Variants in FBXO8 observed in about 807,000 individuals in gnomAD.
FBXO8 encodes the protein F-box only protein 8.
In FBXO8, 15 loss-of-function variants were observed where a neutral mutation model predicts 33.4. The ratio of observed to expected loss-of-function variants is 0.45; its 90% CI spans 0.30 to 0.69. FBXO8 has a LOEUF of 0.69. FBXO8 is among the 30% of genes least tolerant of loss of function. FBXO8 has a pLI of 0.08. For synonymous variants in FBXO8, 132 were observed against 131.5 expected (o/e 1.00, Z -0.02); for missense variants, 274 against 380.3 (o/e 0.72, Z 2.32).
At chr4:174,268,728 G>A (rs1030531662) in intron 1 of FBXO8, among the ~76,000 whole-genome samples, 2 of 152,176 alleles carry the variant, frequency 1.3e-5, no homozygotes, top group Non-Finnish European at 2.9e-5. Context: ...GAGCCACCGC[G>A]CCCGGCCGGG....
chr4:174,270,032 A>G lies in FBXO8; in HGVS notation c.-8-6932T>C, dbSNP rs913769663. 3.9e-5 allele frequency among the ~76,000 whole-genome samples: 6 copies of G among 152,220 alleles called. No individual in the cohort carries two copies. Among genetic ancestry groups the G allele is most frequent in the Non-Finnish European group, 8.8e-5 (6 of 68,042 alleles). On this transcript the variant is annotated intron_variant, in intron 1 of 5. Coordinates refer to ENST00000393674, the MANE Select transcript of FBXO8 (RefSeq NM_012180.3). The surrounding 1 kb of genome is among the most constrained non-coding windows in gnomAD (Gnocchi z 4.6). ...TTCTGTACTACCTGCAAATACACTC[A>G]GGGAGCATGGTAGTAAACAGGAAAC...
chr4:174,250,869 G>A (rs975930309), intron 3 of FBXO8, among the ~76,000 whole-genome samples: 2 of 152,074 alleles, frequency 1.3e-5, no homozygotes. Flanking sequence ...AGACACCTTG[G>A]ACATTAAAGC....
At chr4:174,280,216 T>C (rs1737047524) in intron 1 of FBXO8, among the ~76,000 whole-genome samples, 1 of 151,718 alleles carries the variant, frequency 6.6e-6, no homozygotes, top group Admixed American at 6.6e-5. Context: ...TACACTAACG[T>C]CCAATAAGCA....
At position 174,251,722 on chromosome 4, in the gene FBXO8, G is replaced by A. The variant is rs1286859898; in HGVS notation, c.456+7977C>T. Among the ~76,000 whole-genome samples, 2 of 152,108 alleles carry A rather than the reference G, an allele frequency of 1.3e-5. No homozygotes were observed. Among genetic ancestry groups the A allele is most frequent in the African/African-American group, 4.8e-5 (2 of 41,424 alleles). On this transcript the variant is annotated intron_variant, in intron 3 of 5. Transcript: ENST00000393674. The surrounding 1 kb of genome is among the most constrained non-coding windows in gnomAD (Gnocchi z 4.2). ...TCGCTTGAAGGTATTAAGTTGTCTA[G>A]GCAGAGGAAGAGGCTATTTAGTGTC...
intron 1 of FBXO8, among the ~76,000 whole-genome samples, chr4:174,276,026 G>A (rs1264770484): frequency 2.0e-5 from 3 of 151,942 alleles, no homozygotes; most frequent in Admixed American, 6.6e-5. Flanking sequence ...TAAAAACAAA[G>A]TAATAAGCTA....
rs1736848112 is a variant in FBXO8, at chr4:174,272,006, T to C, written c.-8-8906A>G. On this transcript the variant is annotated intron_variant, in intron 1 of 5. Coordinates refer to ENST00000393674, the MANE Select transcript of FBXO8 (RefSeq NM_012180.3). This position sits in a 1 kb window ranked among gnomAD's most constrained non-coding sequence, Gnocchi z 4.7. ...CTTTCCAGTTTACTTGGGACCCCCTTAGGGGCTACAAAGAAACTCCTAAGG... is the reference window on the plus strand; with the variant it reads ...CTTTCCAGTTTACTTGGGACCCCCTCAGGGGCTACAAAGAAACTCCTAAGG... 6.6e-6 allele frequency among the ~76,000 whole-genome samples: 1 copy of C among 152,216 alleles called. No homozygotes were observed. The highest frequency in any genetic ancestry group is 1.5e-5 in the Non-Finnish European group (1 of 68,032).
At position 174,247,826 on chromosome 4, in the gene FBXO8, A is replaced by G. The variant is rs1736194740; in HGVS notation, c.457-6608T>C. 6.6e-6 allele frequency among the ~76,000 whole-genome samples: 1 copy of G among 152,072 alleles called. No homozygotes were observed. The highest frequency in any genetic ancestry group is 1.5e-5 in the Non-Finnish European group (1 of 67,966). On this transcript the variant is annotated intron_variant, in intron 3 of 5. Coordinates refer to ENST00000393674, the MANE Select transcript of FBXO8 (RefSeq NM_012180.3). This position sits in a 1 kb window ranked among gnomAD's most constrained non-coding sequence, Gnocchi z 4.6. Reference sequence around the variant, plus strand: ...GCAAATAGCAGCAGCAATGGTTAAGATGACTGCTCTGATACTATTTCTTCT... The same window carrying G: ...GCAAATAGCAGCAGCAATGGTTAAGGTGACTGCTCTGATACTATTTCTTCT...
At chr4:174,238,349 GA>G (rs1448577360) in intron 5 of FBXO8, among the ~76,000 whole-genome samples, 5 of 151,840 alleles carry the variant, frequency 3.3e-5, no homozygotes, top group Admixed American at 6.6e-5. Flanking sequence ...GCAGTCTTAA[GA>G]AAGCCAAGTT....
At chr4:174,260,335 T>C (rs542966084) in intron 2 of FBXO8, among the ~76,000 whole-genome samples, 4 of 152,144 alleles carry the variant, frequency 2.6e-5, no homozygotes, top group South Asian at 2.1e-4. Flanking sequence ...AGAATCTAAA[T>C]AGGGTTTATT....
intron 1 of FBXO8, among the ~76,000 whole-genome samples, chr4:174,282,386 T>TG (rs1239516144): frequency 6.6e-6 from 1 of 152,210 alleles, no homozygotes; most frequent in Non-Finnish European, 1.5e-5. Context: ...TGTTTTAAGC[T>TG]GGGGTAAATT....
chr4:174,283,495 G>A lies in FBXO8; in HGVS notation c.-94C>T, dbSNP rs533566824. On this transcript the variant is annotated 5_prime_UTR_variant, in exon 1 of 6. Coordinates refer to ENST00000393674, the MANE Select transcript of FBXO8 (RefSeq NM_012180.3). The surrounding 1 kb of genome is among the most constrained non-coding windows in gnomAD (Gnocchi z 6.7). ...AGCCAAAAGGAAAATGGCTCAGCCG[G>A]GAACTGGTGCCCAGGCCATGGAGAA... The A allele has an allele frequency of 4.1e-5, 7 of 168,978 alleles. No individual in the cohort carries two copies. Among genetic ancestry groups the A allele is most frequent in the Admixed American group, 6.4e-5 (1 of 15,712 alleles). The allele number at this position is 168,978 out of a possible 1,614,324, so 10.5% of individuals were successfully genotyped here.
At chr4:174,266,643 G>A (rs1736702581) in intron 1 of FBXO8, among the ~76,000 whole-genome samples, 1 of 152,170 alleles carries the variant, frequency 6.6e-6, no homozygotes, top group African/African-American at 2.4e-5. Flanking sequence ...AGGGAGTATA[G>A]TGGTATGGGT....
Position 174,247,309 on chromosome 4 carries a change from T to A in FBXO8, c.457-6091A>T, listed in dbSNP as rs1234171314. Among the ~76,000 whole-genome samples, 3 of 152,032 alleles carry A rather than the reference T, an allele frequency of 2.0e-5. No individual in the cohort carries two copies. The highest frequency in any genetic ancestry group is 6.6e-5 in the Admixed American group (1 of 15,228). Reference sequence around the variant, plus strand: ...CACATACTAGGGAGTACCTTTAATTTTTTTCCTAAAGAACAACATAGTAAA... The same window carrying A: ...CACATACTAGGGAGTACCTTTAATTATTTTCCTAAAGAACAACATAGTAAA... On this transcript the variant is annotated intron_variant, in intron 3 of 5. Coordinates refer to ENST00000393674, the MANE Select transcript of FBXO8 (RefSeq NM_012180.3). This position sits in a 1 kb window ranked among gnomAD's most constrained non-coding sequence, Gnocchi z 4.6.
In FBXO8 at chr4:174,281,663, G is replaced by A. The variant is rs1737090163; in HGVS notation, c.-9+1747C>T. On this transcript the variant is annotated intron_variant, in intron 1 of 5. Transcript: ENST00000393674. The surrounding 1 kb of genome is among the most constrained non-coding windows in gnomAD (Gnocchi z 4.6). ...GTCTTGTTCGCACCACTGCACTCCAGCCTGGGCAACAGAATAAAAATCTGT... is the reference window on the plus strand; with the variant it reads ...GTCTTGTTCGCACCACTGCACTCCAACCTGGGCAACAGAATAAAAATCTGT... Among the ~76,000 whole-genome samples the A allele has an allele frequency of 1.3e-5, 2 of 152,162 alleles. No homozygotes were observed. Among genetic ancestry groups the A allele is most frequent in the Admixed American group, 1.3e-4 (2 of 15,274 alleles).
Position 174,278,537 on chromosome 4 carries a change from AC to A in FBXO8, c.-9+4872del, listed in dbSNP as rs1196166435. 1.3e-5 allele frequency among the ~76,000 whole-genome samples: 2 copies of A among 152,094 alleles called. No individual in the cohort carries two copies. Among genetic ancestry groups the A allele is most frequent in the East Asian group, 3.9e-4 (2 of 5,194 alleles). On this transcript the variant is annotated intron_variant, in intron 1 of 5. Coordinates refer to ENST00000393674, the MANE Select transcript of FBXO8 (RefSeq NM_012180.3). The surrounding 1 kb of genome is among the most constrained non-coding windows in gnomAD (Gnocchi z 4.1). ...TTTTCAAGAAATGCTCCATTGTCCA[AC>A]TATTTGAAACTTTAAAATAAATGTA...
At chr4:174,268,589 C>T (rs1038082333) in intron 1 of FBXO8, among the ~76,000 whole-genome samples, 2 of 120,552 alleles carry the variant, frequency 1.7e-5, no homozygotes, top group Admixed American at 1.8e-4. Flanking sequence ...GCGCCTGCTA[C>T]CACGCCCGGC....
chr4:174,237,350 C>G lies in FBXO8; in HGVS notation c.*62G>C. ...ACCAGCACTGATGTAACCCCCATAT[C>G]TGCTAAGTCCTTGGGTAGCTTTAGT... On this transcript the variant is annotated 3_prime_UTR_variant, in exon 6 of 6. Transcript: ENST00000393674. This position sits in a 1 kb window ranked among gnomAD's most constrained non-coding sequence, Gnocchi z 4.4. The G allele has an allele frequency of 1.4e-6, 2 of 1,437,870 alleles. No individual in the cohort carries two copies. The highest frequency in any genetic ancestry group is 4.6e-5 in the East Asian group (2 of 43,774). 89.1% of individuals were successfully genotyped at this position (1,437,870 alleles called of 1,614,324 possible). A position where few individuals can be genotyped will look rare whatever the true frequency, so the allele number is the denominator to read the frequency against.
intron 5 of FBXO8, among the ~76,000 whole-genome samples, chr4:174,238,090 A>C (rs1282558499): frequency 1.3e-5 from 2 of 152,016 alleles, no homozygotes; most frequent in Admixed American, 1.3e-4. Context: ...AGAAAACATG[A>C]ATCTGGTACT....
At position 174,270,035 on chromosome 4, in the gene FBXO8, G is replaced by C. The variant is rs1317476564; in HGVS notation, c.-8-6935C>G. 1.3e-5 allele frequency among the ~76,000 whole-genome samples: 2 copies of C among 152,156 alleles called. No homozygotes were observed. Among genetic ancestry groups the C allele is most frequent in the Non-Finnish European group, 2.9e-5 (2 of 68,030 alleles). On this transcript the variant is annotated intron_variant, in intron 1 of 5. Coordinates refer to ENST00000393674, the MANE Select transcript of FBXO8 (RefSeq NM_012180.3). This position sits in a 1 kb window ranked among gnomAD's most constrained non-coding sequence, Gnocchi z 4.6. ...TGTACTACCTGCAAATACACTCAGG[G>C]AGCATGGTAGTAAACAGGAAACTTA...
Sources: allele counts gnomAD v4.1 joint callset (sites outside exome capture counted in the v4.1 genomes callset), GRCh38; gene constraint gnomAD v4.1.1; non-coding constraint Gnocchi (gnomAD v3.1); transcripts MANE v1.5; gene names NCBI Gene and HGNC (gene_info 2026-07-23, HGNC 2026-07-21).